ZFP82: variants seen among roughly 807,000 people sequenced by gnomAD.
ZFP82 encodes the protein ZFP82 zinc finger protein.
Under a neutral mutation model 54.0 loss-of-function variants are expected in ZFP82, and 30 were observed. The observed-to-expected ratio is 0.56, with a 90% CI of 0.42 to 0.75. The LOEUF (loss-of-function observed/expected upper bound fraction) is 0.75. Ranked by LOEUF, ZFP82 falls within the 30% of genes least tolerant of loss-of-function variation. The pLI is 0.00. For synonymous variants in ZFP82, 194 were observed against 209.5 expected, an observed-to-expected ratio of 0.93 and a Z score of 0.64; for missense variants, 500 against 636.8, an observed-to-expected ratio of 0.79 and a Z score of 2.31.
chr19:36,385,868 A>G (rs1353159268), downstream of ZFP82, among the ~76,000 whole-genome samples: 1 of 152,242 alleles, frequency 6.6e-6, no homozygotes, highest in Admixed American at 6.5e-5. Flanking sequence ...AAAGAGCTAC[A>G]TGGCTTCTTT....
intron 4 of ZFP82, among the ~76,000 whole-genome samples, chr19:36,401,830 C>A (rs1171827203): frequency 6.6e-6 from 1 of 152,226 alleles, no homozygotes; most frequent in Non-Finnish European, 1.5e-5. Flanking sequence ...ATGCCGCACT[C>A]AGACCTTTTC....
intron 4 of ZFP82, among the ~76,000 whole-genome samples, chr19:36,396,635 G>A (rs2032299389): frequency 6.6e-6 from 1 of 151,830 alleles, no homozygotes; most frequent in Non-Finnish European, 1.5e-5. Flanking sequence ...CAGCCTGGGT[G>A]AAAGAGCGAG....
At chr19:36,406,802 T>C (rs973867694) in intron 3 of ZFP82, among the ~76,000 whole-genome samples, 2 of 152,214 alleles carry the variant, frequency 1.3e-5, no homozygotes, top group African/African-American at 4.8e-5. Context: ...AAATACTCAC[T>C]AATAATTATT....
intron 1 of ZFP82, among the ~76,000 whole-genome samples, chr19:36,410,363 G>A (rs1333585659): frequency 6.6e-6 from 1 of 152,016 alleles, no homozygotes; most frequent in African/African-American, 2.4e-5. Context: ...ATGGATTCAT[G>A]CTCTTGGTCA....
intron 1 of ZFP82, 32 bp from the exon 2 acceptor site, chr19:36,409,899 G>GATCTC: frequency 8.7e-7 from 1 of 1,145,116 alleles, no homozygotes; most frequent in Non-Finnish European, 1.3e-6. Flanking sequence ...CATGAGATCA[G>GATCTC]ATGGACCTCA....
chr19:36,405,041 G>A (rs1435528970), intron 4 of ZFP82, among the ~76,000 whole-genome samples: 2 of 151,938 alleles, frequency 1.3e-5, no homozygotes, highest in African/African-American at 4.8e-5. Flanking sequence ...AAAATTAGCC[G>A]GGTGTGGTGG....
intron 4 of ZFP82, chr19:36,394,355 C>G (rs1218060223): frequency 2.2e-6 from 1 of 447,962 alleles, no homozygotes. Context: ...AGGTGTGGAT[C>G]AGAATCACCA....
In ZFP82 at chr19:36,393,187, G is replaced by C. The variant is rs1422299421; in HGVS notation, c.1153C>G (p.His385Asp). Reference protein sequence around the residue: ...FSRGYHLILHHRIHTGEKPYE... With the variant: ...FSRGYHLILHDRIHTGEKPYE... The stretch of plus-strand genomic sequence containing the variant: ...GGTTTTTCACCAGTATGAATTCTGT[G>C]ATGGAGAATAAGATGATAACCACGG... Residue 385 changes from histidine (H) to aspartate (D), a missense_variant, in exon 5 of 5, where the codon CAC (histidine) becomes GAC (aspartate). Physicochemically the swap from His to Asp is moderately conservative, Grantham distance 81. Coordinates refer to ENST00000392161, the MANE Select transcript of ZFP82 (RefSeq NM_133466.4). 1.9e-6 allele frequency: 3 copies of C among 1,613,842 alleles called. No homozygotes were observed. Among genetic ancestry groups the C allele is most frequent in the Non-Finnish European group, 2.5e-6 (3 of 1,179,962 alleles).
intron 1 of ZFP82, among the ~76,000 whole-genome samples, chr19:36,412,355 A>T (rs2145599843): frequency 6.6e-6 from 1 of 152,310 alleles, no homozygotes; most frequent in South Asian, 2.1e-4. Context: ...TGCATAGTGG[A>T]AAGCGTTCTT....
chr19:36,391,090 G>A lies in ZFP82; in HGVS notation c.*1651C>T, dbSNP rs557135324. ...GCCTCCTTTGACCTTTTAACCAGTT[G>A]GAATTCTCTAATCAACAACTTTCCT... On this transcript the variant is annotated 3_prime_UTR_variant, in exon 5 of 5. Coordinates refer to ENST00000392161, the MANE Select transcript of ZFP82 (RefSeq NM_133466.4). 2 of 152,114 alleles carry A rather than the reference G, an allele frequency of 1.3e-5. No homozygotes were observed. Among genetic ancestry groups the A allele is most frequent in the Admixed American group, 1.3e-4 (2 of 15,260 alleles). 9.4% of individuals were successfully genotyped at this position (152,114 alleles called of 1,614,324 possible). A position where few individuals can be genotyped will look rare whatever the true frequency, so the allele number is the denominator to read the frequency against.
At position 36,394,041 on chromosome 19, in the gene ZFP82, T is replaced by G; in HGVS notation, c.299A>C (p.Gln100Pro). 6.2e-7 allele frequency: 1 copy of G among 1,611,042 alleles called. No homozygotes were observed. The highest frequency in any genetic ancestry group is 8.5e-7 in the Non-Finnish European group (1 of 1,179,188). ...ENDIYEINLS[Q>P]WKIMERIENH... Reference sequence around the variant, plus strand: ...TTCAATTCTTTCCATTATCTTCCACTGGGATAAATTTATTTCATAAATGTC... The same window carrying G: ...TTCAATTCTTTCCATTATCTTCCACGGGGATAAATTTATTTCATAAATGTC... The change falls in exon 5 of 5, where the codon CAG becomes CCG. Residue 100 changes from glutamine to proline, a missense_variant. Coordinates refer to ENST00000392161, the MANE Select transcript of ZFP82 (RefSeq NM_133466.4).
In ZFP82 at chr19:36,417,269, AC is replaced by A. The variant is rs533993278; in HGVS notation, c.-79+1222del. Among the ~76,000 whole-genome samples, 29 of 152,232 alleles carry A rather than the reference AC, an allele frequency of 1.9e-4. No individual in the cohort carries two copies. The East Asian group carries it at 5.4e-3, about 28-fold the overall frequency. On this transcript the variant is annotated intron_variant, in intron 1 of 4. Coordinates refer to ENST00000392161, the MANE Select transcript of ZFP82 (RefSeq NM_133466.4). ...AATACATAACTAAGGTTTATTAAGT[AC>A]TAACGAGGTCTCAGGAACTGTTCTA...
At position 36,393,833 on chromosome 19, in the gene ZFP82, G is replaced by A; in HGVS notation, c.507C>T (p.Pro169=). 6.2e-7 allele frequency: 1 copy of A among 1,614,150 alleles called. No individual in the cohort carries two copies. Among genetic ancestry groups the A allele is most frequent in the South Asian group, 1.1e-5 (1 of 91,082 alleles). Residue 169 remains proline (P), a synonymous_variant, in exon 5 of 5, where the codon CCC becomes CCT. Transcript: ENST00000392161. ...CCTTCCCACATTCCTTACATTCATA[G>A]GGTTTATCAACAAAATGAAGTCTCT... is the stretch of plus-strand genomic sequence containing the variant. ...PHQRLHFVDK[P]YECKECGKAF...
In ZFP82 at chr19:36,393,465, C is replaced by G. The variant is rs2145579721; in HGVS notation, c.875G>C (p.Arg292Thr). The change falls in exon 5 of 5, where the codon AGA (arginine) becomes ACA (threonine). Residue 292 changes from arginine to threonine, a missense_variant. Coordinates refer to ENST00000392161, the MANE Select transcript of ZFP82 (RefSeq NM_133466.4). ...ATGCCGAGTCAGGTGTGCGTACTGT[C>G]TAAAGGCTTTTCCACACTCTTTACA... is the stretch of plus-strand genomic sequence containing the variant. ...YVCKECGKAFRQYAHLTRHQK... is the reference protein window; with the variant it reads ...YVCKECGKAFTQYAHLTRHQK... The G allele has an allele frequency of 6.2e-7, 1 of 1,614,010 alleles. No homozygotes were observed. Among genetic ancestry groups the G allele is most frequent in the Non-Finnish European group, 8.5e-7 (1 of 1,179,994 alleles).
intron 4 of ZFP82, among the ~76,000 whole-genome samples, chr19:36,400,005 CAG>C (rs1262241646): frequency 6.6e-6 from 1 of 152,116 alleles, no homozygotes; most frequent in Non-Finnish European, 1.5e-5. Flanking sequence ...TACTGGCAAA[CAG>C]ACATACATTT....
rs2032249188 is a variant in ZFP82, at chr19:36,393,820, C to T, written c.520G>A (p.Glu174Lys). ...HFVDKPYECKECGKAFRVRQQ... is the reference protein window; with the variant it reads ...HFVDKPYECKKCGKAFRVRQQ... Reference sequence around the variant, plus strand: ...CGCACTCTGAACGCCTTCCCACATTCCTTACATTCATAGGGTTTATCAACA... The same window carrying T: ...CGCACTCTGAACGCCTTCCCACATTTCTTACATTCATAGGGTTTATCAACA... The change falls in exon 5 of 5, where the codon GAA (glutamate) becomes AAA (lysine). Residue 174 changes from glutamate to lysine, a missense_variant. Transcript: ENST00000392161. 2 of 1,614,080 alleles carry T rather than the reference C, an allele frequency of 1.2e-6. No individual in the cohort carries two copies.
chr19:36,383,208 T>G lies in ZFP82; in HGVS notation c.*1124A>C, dbSNP rs570686571. 2.0e-4 allele frequency: 30 copies of G among 152,280 alleles called. No homozygotes were observed. In the South Asian group the frequency reaches 2.3e-3, roughly 12 times the overall value. The allele number at this position is 152,280 out of a possible 1,614,324, so 9.4% of individuals were successfully genotyped here. A position where few individuals can be genotyped will look rare whatever the true frequency, so the allele number is the denominator to read the frequency against. On this transcript the variant is annotated 3_prime_UTR_variant, in exon 2 of 2. Transcript: ENST00000445543. The stretch of plus-strand genomic sequence containing the variant: ...CACAAATTAGACAACCACATATATA[T>G]AGAGAGAGAGATCTACTTCAGGGCT...
At chr19:36,398,616 A>G (rs575828460) in intron 4 of ZFP82, among the ~76,000 whole-genome samples, 1 of 152,184 alleles carries the variant, frequency 6.6e-6, no homozygotes, top group South Asian at 2.1e-4. Context: ...AGAGTGAAGG[A>G]GAAAAAAAAA....
chr19:36,414,344 G>A (rs1244126252), intron 1 of ZFP82, among the ~76,000 whole-genome samples: 1 of 151,012 alleles, frequency 6.6e-6, no homozygotes, highest in Admixed American at 6.6e-5. Context: ...GTTAGAACTA[G>A]GCTTGAAAAT....
Sources: gnomAD v4.1 joint callset for allele counts (sites outside exome capture counted in the v4.1 genomes callset) on GRCh38, gnomAD v4.1.1 for gene constraint, MANE v1.5 for transcripts, NCBI Gene and HGNC (gene_info 2026-07-23, HGNC 2026-07-21) for gene names.